Variants in UGT1A8 observed in about 807,000 individuals in gnomAD.
UGT1A8 encodes UDP-glucuronosyltransferase 1A8.
A neutral mutation model predicts 45.3 loss-of-function variants in UGT1A8; 39 were observed. The observed-to-expected ratio is 0.86, with a 90% confidence interval of 0.67 to 1.12. The LOEUF is 1.12. UGT1A8 is among the 50% of genes most tolerant of loss of function. The pLI is 0.00. For synonymous variants in UGT1A8, 275 were observed against 249.2 expected (o/e 1.10, Z -0.97); for missense variants, 719 against 664.9 (o/e 1.08, Z -0.90).
chr2:233,676,744 T>C (rs1236450917), intron 1 of UGT1A8, among the ~76,000 whole-genome samples: 3 of 152,204 alleles, frequency 2.0e-5, no homozygotes, highest in Non-Finnish European at 4.4e-5. Context: ...TTCATCGTGG[T>C]AAAACTGGGT....
intron 1 of UGT1A8, among the ~76,000 whole-genome samples, chr2:233,619,609 A>C (rs572742065): frequency 6.6e-6 from 1 of 152,244 alleles, no homozygotes; most frequent in South Asian, 2.1e-4. Flanking sequence ...CTATATAAGC[A>C]TTTATGTTTG....
rs1421246171 is a variant in UGT1A8, at chr2:233,747,288, G to T, written c.856-19746G>T. ...TACTCCTTCTCAGTGCCCAGCCCTG[G>T]GCTGAGAGTGGGAAGGTGCTGGTGG... On this transcript the variant is annotated intron_variant, in intron 1 of 4. Transcript: ENST00000373450. 3 of 1,601,214 alleles carry T rather than the reference G, an allele frequency of 1.9e-6. No homozygotes were observed. The African/African-American group carries it at 4.0e-5, about 22-fold the overall frequency.
At position 233,746,640 on chromosome 2, in the gene UGT1A8, A is replaced by C. The variant is rs553124614; in HGVS notation, c.856-20394A>C. Among the ~76,000 whole-genome samples the C allele has an allele frequency of 3.3e-5, 5 of 151,640 alleles. No individual in the cohort carries two copies. In the East Asian group the frequency reaches 9.7e-4, roughly 29 times the overall value. On this transcript the variant is annotated intron_variant, in intron 1 of 4. Transcript: ENST00000373450. ...TCCTTTCAGGCAAGGACCATTTCTA[A>C]CTTGGCTTTCTGTCCCGAGTTCCTA...
At chr2:233,674,110 C>A (rs1172511000) in intron 1 of UGT1A8, among the ~76,000 whole-genome samples, 1 of 152,074 alleles carries the variant, frequency 6.6e-6, no homozygotes, top group Non-Finnish European at 1.5e-5. Flanking sequence ...ATGGAGTATA[C>A]AATTTATCTA....
intron 1 of UGT1A8, among the ~76,000 whole-genome samples, chr2:233,633,075 T>G (rs2073220752): frequency 6.6e-6 from 1 of 151,788 alleles, no homozygotes; most frequent in South Asian, 2.1e-4. Flanking sequence ...AATCATGTGG[T>G]TTTTGTCATT....
chr2:233,617,953 T>C lies in UGT1A8; in HGVS notation c.246T>C (p.Thr82=). Residue 82 remains threonine (T), a synonymous_variant, in exon 1 of 5, where the codon ACT becomes ACC. Transcript: ENST00000373450. The part of the protein sequence containing the change: ...CTVKTYSTSY[T]LEDLDREFMD... ...TGAAGACTTACTCAACCTCATACAC[T>C]CTGGAGGATCTGGACCGGGAATTCA... 1 of 1,614,158 alleles carries C rather than the reference T, an allele frequency of 6.2e-7. No individual in the cohort carries two copies. The highest frequency in any genetic ancestry group is 8.5e-7 in the Non-Finnish European group (1 of 1,180,034).
chr2:233,712,255 A>C (rs549632113), intron 1 of UGT1A8, among the ~76,000 whole-genome samples: 13 of 152,356 alleles, frequency 8.5e-5, no homozygotes, highest in South Asian at 2.1e-4. Flanking sequence ...GTTGTCTTGC[A>C]CATGTGTGCT....
At position 233,772,877 on chromosome 2, in the gene UGT1A8, G is replaced by C; in HGVS notation, c.*318G>C. The C allele has an allele frequency of 1.7e-6, 1 of 579,394 alleles. No homozygotes were observed. Among genetic ancestry groups the C allele is most frequent in the South Asian group, 2.3e-5 (1 of 42,896 alleles). The allele number at this position is 579,394 out of a possible 1,614,324, so 35.9% of individuals were successfully genotyped here. ...TGAAACATGGCCTGTTTGGGAGTGC[G>C]GGATTCAAAGGTGGTCCCACGGCTG... On this transcript the variant is annotated 3_prime_UTR_variant, in exon 5 of 5. Coordinates refer to ENST00000373450, the MANE Select transcript of UGT1A8 (RefSeq NM_019076.5).
intron 1 of UGT1A8, chr2:233,756,147 T>C (rs1696132697): frequency 6.6e-6 from 1 of 152,212 alleles, no homozygotes; most frequent in Admixed American, 6.5e-5. Flanking sequence ...TTACTGGGGA[T>C]CCCTAGGATT....
chr2:233,691,372 G>A, intron 1 of UGT1A8: 5 of 985,552 alleles, frequency 5.1e-6, no homozygotes, highest in Non-Finnish European at 6.0e-6. Flanking sequence ...TTTGCATCCT[G>A]GTTATGTTCC....
chr2:233,672,287 A>G, intron 1 of UGT1A8: 1 of 1,613,766 alleles, frequency 6.2e-7, no homozygotes, highest in Non-Finnish European at 8.5e-7. Flanking sequence ...GACATTTTTG[A>G]CTTATTTTTT....
At chr2:233,723,877 C>A (rs1300798569) in intron 1 of UGT1A8, among the ~76,000 whole-genome samples, 1 of 40,764 alleles carries the variant, frequency 2.5e-5, no homozygotes, top group East Asian at 4.6e-4. Flanking sequence ...GATCCCAAGG[C>A]AGAGGAATTT....
intron 1 of UGT1A8, chr2:233,756,338 CTTGA>C (rs895884492): frequency 6.6e-6 from 1 of 152,178 alleles, no homozygotes; most frequent in Non-Finnish European, 1.5e-5. Context: ...CTAGTCATCT[CTTGA>C]TTACTTTTAC....
In UGT1A8 at chr2:233,618,348, T is replaced by C. The variant is rs188031950; in HGVS notation, c.641T>C (p.Leu214Ser). The C allele has an allele frequency of 4.3e-6, 7 of 1,613,946 alleles. No individual in the cohort carries two copies. The East Asian group carries it at 1.3e-4, about 31-fold the overall frequency. The change falls in exon 1 of 5, where the codon TTG becomes TCG. Residue 214 changes from leucine (L) to serine (S), a missense_variant. Physicochemically the swap from Leu to Ser is moderately radical, Grantham distance 145 (BLOSUM62 -2). Transcript: ENST00000373450. ...KERVRNHIMH[L>S]EEHLFCQYFS... Reference sequence around the variant, plus strand: ...AGAGTACGGAACCACATCATGCACTTGGAGGAACATTTATTTTGCCAGTAT... The same window carrying C: ...AGAGTACGGAACCACATCATGCACTCGGAGGAACATTTATTTTGCCAGTAT...
chr2:233,713,091 G>C lies in UGT1A8; in HGVS notation c.856-53943G>C, dbSNP rs200372008. ...GGCTGAGAGTGGGAAGGTGCTGGTGGTGCCCACTGATGGCAGCCACTGGCT... is the reference window on the plus strand; with the variant it reads ...GGCTGAGAGTGGGAAGGTGCTGGTGCTGCCCACTGATGGCAGCCACTGGCT... On this transcript the variant is annotated intron_variant, in intron 1 of 4. Transcript: ENST00000373450. The C allele has an allele frequency of 3.7e-6, 6 of 1,614,180 alleles. No individual in the cohort carries two copies. The Admixed American group carries it at 1.0e-4, about 27-fold the overall frequency.
intron 1 of UGT1A8, chr2:233,730,112 T>C (rs933459456): frequency 6.4e-7 from 1 of 1,565,128 alleles, no homozygotes; most frequent in Admixed American, 1.8e-5. Context: ...TTTCTGCTTC[T>C]CCTTGTCATA....
At chr2:233,663,275 C>T (rs532535432) in intron 1 of UGT1A8, among the ~76,000 whole-genome samples, 43 of 152,210 alleles carry the variant, frequency 2.8e-4, no homozygotes, top group East Asian at 2.7e-3. Flanking sequence ...TGTGGTAGAC[C>T]GGAGTTTTAT....
intron 1 of UGT1A8, chr2:233,693,661 C>G: frequency 6.2e-7 from 1 of 1,614,126 alleles, no homozygotes; most frequent in Non-Finnish European, 8.5e-7. Flanking sequence ...TGTTGGAGCC[C>G]TATCTATTTT....
intron 1 of UGT1A8, chr2:233,691,645 G>C: frequency 2.0e-6 from 2 of 985,472 alleles, no homozygotes; most frequent in South Asian, 4.7e-5. Context: ...GGCAGGGCCA[G>C]TGTGACCCTC....
Sources: gnomAD v4.1 joint callset for allele counts (sites outside exome capture counted in the v4.1 genomes callset) on GRCh38, gnomAD v4.1.1 for gene constraint, MANE v1.5 for transcripts, NCBI Gene and HGNC (gene_info 2026-07-23, HGNC 2026-07-21) for gene names.